The following SLC35F4 variants were observed in gnomAD, a reference collection of about 807,000 sequenced individuals.
The protein encoded by SLC35F4 is solute carrier family 35 member F4, also known as chromosome 14 open reading frame 36.
In SLC35F4, 24 loss-of-function variants were observed where a neutral mutation model predicts 44.2. The observed-to-expected ratio is 0.54, with a 90% CI of 0.39 to 0.76. The LOEUF is 0.76. Among genes scored for constraint, SLC35F4 ranks in the 30% least tolerant of loss-of-function variants. The pLI is 0.00. For synonymous variants in SLC35F4, 238 were observed against 223.6 expected (o/e 1.06, Z -0.57); for missense variants, 562 against 586.1 (o/e 0.96, Z 0.42).
chr14:57,914,117 G>A (rs1272803500), intron 1 of SLC35F4, among the ~76,000 whole-genome samples: 1 of 152,118 alleles, frequency 6.6e-6, no homozygotes, highest in African/African-American at 2.4e-5. Flanking sequence ...TACCACCAGT[G>A]GGTAACTTAA....
intron 1 of SLC35F4, among the ~76,000 whole-genome samples, chr14:57,750,428 A>G (rs556375884): frequency 6.6e-6 from 1 of 152,168 alleles, no homozygotes; most frequent in Non-Finnish European, 1.5e-5. Flanking sequence ...GCTGGATCAA[A>G]TGGTAATTCT....
Position 57,759,617 on chromosome 14 carries a change from T to C in SLC35F4, c.103+106106A>G, listed in dbSNP as rs578089359. 6.6e-5 allele frequency among the ~76,000 whole-genome samples: 10 copies of C among 152,258 alleles called. No homozygotes were observed. The East Asian group carries it at 1.5e-3, about 23-fold the overall frequency. On this transcript the variant is annotated intron_variant, in intron 1 of 7. Coordinates refer to ENST00000556826, the MANE Select transcript of SLC35F4 (RefSeq NM_001306087.2). ...TTAGGGAACTGTATACTCTTTTACA[T>C]AGTGGTTACATAGAGACATTTTACA... is the stretch of plus-strand genomic sequence containing the variant.
intron 1 of SLC35F4, among the ~76,000 whole-genome samples, chr14:57,623,970 T>C (rs150973610): frequency 2.0e-5 from 3 of 151,896 alleles, no homozygotes; most frequent in African/African-American, 4.8e-5. Context: ...CTGAAGGAGA[T>C]AGAGACACAA....
At chr14:57,596,915 C>G in intron 1 of SLC35F4, 1 of 1,358,684 alleles carries the variant, frequency 7.4e-7, no homozygotes. Flanking sequence ...ATTTTAATCA[C>G]TGTCTTAAAC....
chr14:57,721,822 G>A (rs932044012), intron 1 of SLC35F4, among the ~76,000 whole-genome samples: 2 of 152,096 alleles, frequency 1.3e-5, no homozygotes, highest in Admixed American at 1.3e-4. Flanking sequence ...CCCAACCCAT[G>A]CTGCCATCAG....
chr14:57,737,666 T>A (rs1005563077), intron 1 of SLC35F4, among the ~76,000 whole-genome samples: 4 of 152,212 alleles, frequency 2.6e-5, no homozygotes, highest in Non-Finnish European at 4.4e-5. Flanking sequence ...TCTCTCTAAA[T>A]TCGCCTGTAG....
chr14:57,811,989 A>G (rs1354339201), intron 1 of SLC35F4, among the ~76,000 whole-genome samples: 1 of 152,160 alleles, frequency 6.6e-6, no homozygotes, highest in Non-Finnish European at 1.5e-5. Context: ...TTCTAAAAAT[A>G]AAAAATAATA....
At chr14:57,708,629 G>A (rs774128842) in intron 1 of SLC35F4, among the ~76,000 whole-genome samples, 7 of 152,220 alleles carry the variant, frequency 4.6e-5, no homozygotes, top group Admixed American at 6.5e-5. Flanking sequence ...CCACAGAGTC[G>A]GTAGGTTTTT....
intron 1 of SLC35F4, among the ~76,000 whole-genome samples, chr14:57,964,140 G>A (rs936488638): frequency 1.3e-5 from 2 of 152,106 alleles, no homozygotes; most frequent in African/African-American, 2.4e-5. Context: ...TCACCTTCTT[G>A]GCAAATGTGG....
At chr14:57,788,446 A>G (rs2077824502) in intron 1 of SLC35F4, among the ~76,000 whole-genome samples, 1 of 152,178 alleles carries the variant, frequency 6.6e-6, no homozygotes, top group African/African-American at 2.4e-5. Flanking sequence ...CATTTCATCC[A>G]ACAACCACAG....
chr14:57,588,357 AT>A (rs60172708), intron 3 of SLC35F4, among the ~76,000 whole-genome samples: 2 of 150,590 alleles, frequency 1.3e-5, no homozygotes, highest in Non-Finnish European at 3.0e-5. Context: ...TGGTGTCCCT[AT>A]TTTTTTTTCT....
chr14:57,748,337 T>C (rs994179290), intron 1 of SLC35F4, among the ~76,000 whole-genome samples: 1 of 152,142 alleles, frequency 6.6e-6, no homozygotes, highest in Non-Finnish European at 1.5e-5. Context: ...TTTTATCACA[T>C]GTATAGGTTC....
intron 1 of SLC35F4, among the ~76,000 whole-genome samples, chr14:57,728,886 T>A (rs1033730186): frequency 2.0e-5 from 3 of 152,110 alleles, no homozygotes; most frequent in Admixed American, 2.0e-4. Context: ...TTGTCTGAGG[T>A]TTTTATTTCT....
At chr14:57,614,603 G>T (rs1450105413) in intron 1 of SLC35F4, among the ~76,000 whole-genome samples, 1 of 152,210 alleles carries the variant, frequency 6.6e-6, no homozygotes, top group African/African-American at 2.4e-5. Flanking sequence ...AGAATTGGAA[G>T]TAAAAAGACT....
At chr14:57,904,718 C>T (rs1595279920) in intron 1 of SLC35F4, among the ~76,000 whole-genome samples, 6 of 152,150 alleles carry the variant, frequency 3.9e-5, no homozygotes, top group Admixed American at 3.9e-4. Context: ...TATTCTCTCC[C>T]ATTTTAAAGA....
chr14:57,619,477 A>G (rs2072053306), intron 1 of SLC35F4, among the ~76,000 whole-genome samples: 1 of 152,222 alleles, frequency 6.6e-6, no homozygotes, highest in Non-Finnish European at 1.5e-5. Context: ...AAACTAACAA[A>G]AAGAAAGGAA....
chr14:57,804,213 C>T (rs1300488929), intron 1 of SLC35F4, among the ~76,000 whole-genome samples: 1 of 152,106 alleles, frequency 6.6e-6, no homozygotes, highest in Admixed American at 6.5e-5. Flanking sequence ...TTTACAGATT[C>T]AATGTTATTC....
At chr14:57,755,943 T>G (rs1182549941) in intron 1 of SLC35F4, among the ~76,000 whole-genome samples, 1 of 152,198 alleles carries the variant, frequency 6.6e-6, no homozygotes, top group Admixed American at 6.5e-5. Flanking sequence ...CATTCATACC[T>G]GTTCAACACG....
At chr14:57,714,326 C>T (rs1055209478) in intron 1 of SLC35F4, among the ~76,000 whole-genome samples, 3 of 152,016 alleles carry the variant, frequency 2.0e-5, no homozygotes, top group Non-Finnish European at 2.9e-5. Flanking sequence ...AATCCCAGGG[C>T]CTGAGCAACA....
Sources: gnomAD v4.1 joint callset for allele counts (sites outside exome capture counted in the v4.1 genomes callset) on GRCh38, gnomAD v4.1.1 for gene constraint, MANE v1.5 for transcripts, NCBI Gene and HGNC (gene_info 2026-07-23, HGNC 2026-07-21) for gene names.